The following MAP3K20 variants were observed in gnomAD, a reference collection of about 807,000 sequenced individuals.
MAP3K20 encodes HCCS-4.
A neutral mutation model predicts 85.7 loss-of-function variants in MAP3K20; 40 were observed. The observed-to-expected ratio is 0.47, with a 90% CI of 0.36 to 0.61. MAP3K20 has a LOEUF of 0.61. Ranked by LOEUF, MAP3K20 falls within the 20% of genes least tolerant of loss-of-function variation. MAP3K20 has a pLI of 0.00. For synonymous variants in MAP3K20, 325 were observed against 327.7 expected (o/e 0.99, Z 0.09); for missense variants, 817 against 961.7 (o/e 0.85, Z 1.99).
intron 10 of MAP3K20, chr2:173,210,140 T>C: frequency 3.3e-6 from 1 of 304,376 alleles, no homozygotes; most frequent in Non-Finnish European, 6.3e-6. Context: ...TCACCTGAGG[T>C]CAGGAGTTTG....
At chr2:173,087,813 C>A (rs953665674) in intron 1 of MAP3K20, among the ~76,000 whole-genome samples, 15 of 150,328 alleles carry the variant, frequency 1.0e-4, no homozygotes, top group South Asian at 4.2e-4. Context: ...TCAAAAAATT[C>A]TATTCTGTGT....
At chr2:173,249,341 A>G (rs757118013) in intron 16 of MAP3K20, among the ~76,000 whole-genome samples, 13 of 152,358 alleles carry the variant, frequency 8.5e-5, no homozygotes, top group Admixed American at 4.6e-4. Context: ...ATAATCAGCT[A>G]TAAAAGAGAC....
chr2:173,170,845 C>G (rs959867018), intron 3 of MAP3K20, among the ~76,000 whole-genome samples: 1 of 152,100 alleles, frequency 6.6e-6, no homozygotes, highest in East Asian at 1.9e-4. Flanking sequence ...GTGGTAGAAC[C>G]AAAGCGGTAT....
At chr2:173,103,802 C>T (rs1255014373) in intron 2 of MAP3K20, among the ~76,000 whole-genome samples, 1 of 152,132 alleles carries the variant, frequency 6.6e-6, no homozygotes, top group African/African-American at 2.4e-5. Flanking sequence ...AAGTACAAAA[C>T]ATACCTGATT....
chr2:173,253,094 A>G (rs1387352598), intron 16 of MAP3K20, among the ~76,000 whole-genome samples: 1 of 152,038 alleles, frequency 6.6e-6, no homozygotes, highest in Non-Finnish European at 1.5e-5. Flanking sequence ...TGCCCAAGTG[A>G]GACGCGCTGA....
Position 173,217,211 on chromosome 2 carries a change from G to C in MAP3K20, c.948G>C (p.Lys316Asn), listed in dbSNP as rs765907708. The C allele has an allele frequency of 3.7e-6, 6 of 1,603,314 alleles. No individual in the cohort carries two copies. Among genetic ancestry groups the C allele is most frequent in the Non-Finnish European group, 5.1e-6 (6 of 1,174,518 alleles). ...QELKERERRL[K>N]MWEQKLTEQS... The stretch of plus-strand genomic sequence containing the variant: ...TTAAAGAACGAGAAAGACGTTTAAA[G>C]ATGTGGGAGCAAAAGCTGACAGAGC... Residue 316 changes from lysine to asparagine, a missense_variant, in exon 11 of 20, where the codon AAG becomes AAC. By Grantham distance (94) the Lys-to-Asn change is moderately conservative (BLOSUM62 0). Transcript: ENST00000375213.
Position 173,263,839 on chromosome 2 carries a change from C to G in MAP3K20, c.1646C>G (p.Ala549Gly). 1 of 1,613,432 alleles carries G rather than the reference C, an allele frequency of 6.2e-7. No individual in the cohort carries two copies. Reference protein sequence around the residue: ...PQDEVKAVQLAIQTLFTNSDG... With the variant: ...PQDEVKAVQLGIQTLFTNSDG... ...GATGAAGTGAAAGCAGTCCAACTTG[C>G]CATTCAGACATTATTCACCAATTCA... The change falls in exon 19 of 20, where the codon GCC becomes GGC. Residue 549 changes from alanine to glycine, a missense_variant. By Grantham distance (60) the Ala-to-Gly change is moderately conservative. Transcript: ENST00000375213.
intron 2 of MAP3K20, among the ~76,000 whole-genome samples, chr2:173,131,067 C>T (rs1048141950): frequency 7.9e-5 from 12 of 152,120 alleles, no homozygotes; most frequent in East Asian, 1.9e-4. Context: ...TTGTCTGCCT[C>T]GATAAAAACC....
At chr2:173,093,942 G>A (rs1687379593) in intron 2 of MAP3K20, among the ~76,000 whole-genome samples, 1 of 139,312 alleles carries the variant, frequency 7.2e-6, no homozygotes, top group South Asian at 2.2e-4. Flanking sequence ...TGAACAATGA[G>A]ATCACATGGA....
At chr2:173,089,663 A>G (rs1342586453) in intron 1 of MAP3K20, among the ~76,000 whole-genome samples, 4 of 151,654 alleles carry the variant, frequency 2.6e-5, no homozygotes, top group African/African-American at 4.8e-5. Context: ...GCTCACTGCA[A>G]CCTCCACCTC....
At position 173,263,726 on chromosome 2, in the gene MAP3K20, CG is replaced by C; in HGVS notation, c.1552-18del. The C allele has an allele frequency of 6.3e-7, 1 of 1,589,332 alleles. No individual in the cohort carries two copies. The highest frequency in any genetic ancestry group is 8.5e-7 in the Non-Finnish European group (1 of 1,172,046). On this transcript the variant is annotated intron_variant, in intron 18 of 19. Coordinates refer to ENST00000375213, the MANE Select transcript of MAP3K20 (RefSeq NM_016653.3). ...CTATTTGTCTTTTTTTTGTCTTTTT[CG>C]TTTGTTTGTTTTACCAGAGTGATGT...
intron 11 of MAP3K20, chr2:173,222,239 A>G: frequency 1.0e-6 from 1 of 985,882 alleles, no homozygotes; most frequent in Non-Finnish European, 1.2e-6. Context: ...TGATAGTACA[A>G]AATCCAACAA....
At chr2:173,205,730 C>T (rs1683663462) in intron 9 of MAP3K20, among the ~76,000 whole-genome samples, 1 of 151,980 alleles carries the variant, frequency 6.6e-6, no homozygotes. Context: ...CTAGATATTC[C>T]TAGTATTATT....
chr2:173,149,346 G>A (rs891769258), intron 2 of MAP3K20, among the ~76,000 whole-genome samples: 3 of 152,158 alleles, frequency 2.0e-5, no homozygotes, highest in African/African-American at 7.2e-5. Flanking sequence ...AATGCAGAGA[G>A]GACATTAGTG....
In MAP3K20 at chr2:173,217,167, A is replaced by G. The variant is rs1684098804; in HGVS notation, c.904A>G (p.Ser302Gly). ...GCTAAAGAAACTAGAGCGTGATCTC[A>G]GCTTTAAGGAGCAGGAGCTTAAAGA... is the stretch of plus-strand genomic sequence containing the variant. Reference protein sequence around the residue: ...ERLKKLERDLSFKEQELKERE... With the variant: ...ERLKKLERDLGFKEQELKERE... The change falls in exon 11 of 20, where the codon AGC becomes GGC. Residue 302 changes from serine (S) to glycine (G), a missense_variant. Transcript: ENST00000375213. The G allele has an allele frequency of 1.2e-6, 2 of 1,606,600 alleles. No homozygotes were observed. Among genetic ancestry groups the G allele is most frequent in the Admixed American group, 1.7e-5 (1 of 59,136 alleles).
chr2:173,213,289 T>C (rs535399827), intron 10 of MAP3K20, among the ~76,000 whole-genome samples: 2 of 152,120 alleles, frequency 1.3e-5, no homozygotes, highest in South Asian at 4.1e-4. Flanking sequence ...TACAAGACAG[T>C]GAAGTATTTT....
chr2:173,128,442 C>T (rs1386070142), intron 2 of MAP3K20, among the ~76,000 whole-genome samples: 3 of 151,976 alleles, frequency 2.0e-5, no homozygotes, highest in East Asian at 3.9e-4. Context: ...AAGTGATTCT[C>T]GTGCCTCAGC....
Position 173,084,051 on chromosome 2 carries a change from C to T in MAP3K20, c.-34-6947C>T, listed in dbSNP as rs1293044148. Among the ~76,000 whole-genome samples, 3 of 152,184 alleles carry T rather than the reference C, an allele frequency of 2.0e-5. No homozygotes were observed. In the South Asian group the frequency reaches 6.2e-4, roughly 32 times the overall value. On this transcript the variant is annotated intron_variant, in intron 1 of 19. Transcript: ENST00000375213. ...GAAACATCCAGAGAAAGTTCAAAGA[C>T]CTTTTTTCTAGTAAAGTTAATCCTT...
chr2:173,130,326 A>G (rs1688575378), intron 2 of MAP3K20, among the ~76,000 whole-genome samples: 1 of 152,224 alleles, frequency 6.6e-6, no homozygotes, highest in African/African-American at 2.4e-5. Flanking sequence ...ATTTTTTTAA[A>G]TAAAGCACCT....
Sources: allele counts gnomAD v4.1 joint callset (sites outside exome capture counted in the v4.1 genomes callset), GRCh38; gene constraint gnomAD v4.1.1; transcripts MANE v1.5; gene names NCBI Gene and HGNC (gene_info 2026-07-23, HGNC 2026-07-21).